Variants in TMC3 observed in about 807,000 individuals in gnomAD.
TMC3 encodes transmembrane channel like 3, also known as transmembrane channel-like protein 3.
In TMC3, 98 loss-of-function variants were observed where a neutral mutation model predicts 110.6. The observed-to-expected ratio is 0.89, with a 90% CI of 0.75 to 1.05. TMC3 has a LOEUF of 1.05. TMC3 is among the 50% of genes least tolerant of loss of function. The pLI, the probability that TMC3 is intolerant of heterozygous loss-of-function variation, is 0.00. For missense variants in TMC3, 1,319 were observed against 1,373.2 expected, an observed-to-expected ratio of 0.96 and a Z score of 0.62; for synonymous variants, 489 against 513.1, an observed-to-expected ratio of 0.95 and a Z score of 0.63.
intron 3 of TMC3, among the ~76,000 whole-genome samples, chr15:81,365,236 G>T (rs1596095893): frequency 6.6e-6 from 1 of 151,956 alleles, no homozygotes; most frequent in East Asian, 1.9e-4. Flanking sequence ...AAGTAAAAGG[G>T]GTGGGAGAGG....
At chr15:81,349,405 G>T (rs2141705538) in intron 11 of TMC3, 53 bp downstream of exon 11, 2 of 1,177,466 alleles carry the variant, frequency 1.7e-6, no homozygotes, top group East Asian at 6.0e-5. Context: ...TTCCCACTGT[G>T]GGTGGGCACA....
At chr15:81,359,602 C>T (rs1473675035) in intron 4 of TMC3, 131 bp from the exon 5 acceptor site, 7 of 609,982 alleles carry the variant, frequency 1.1e-5, no homozygotes, top group South Asian at 8.7e-5. Context: ...TTGTACCAAT[C>T]GAGGTGTTCC....
At chr15:81,351,932 A>G in intron 9 of TMC3, 91 bp from the exon 10 acceptor site, 1 of 1,431,084 alleles carries the variant, frequency 7.0e-7, no homozygotes, top group Non-Finnish European at 9.5e-7. Context: ...ACTGGAACAC[A>G]TCCATTGCCA....
Position 81,348,260 on chromosome 15 carries a change from G to A in TMC3, c.1193+1198C>T, listed in dbSNP as rs905150366. Among the ~76,000 whole-genome samples the A allele has an allele frequency of 2.0e-5, 3 of 152,194 alleles. No homozygotes were observed. The South Asian group carries it at 6.2e-4, about 32-fold the overall frequency. ...TCCCAAAGTGGTCTGTGGAAAATTA[G>A]TTCTGTAGAATGTTATTAGGTGTTA... On this transcript the variant is annotated intron_variant, in intron 11 of 21. Coordinates refer to ENST00000359440, the MANE Select transcript of TMC3 (RefSeq NM_001080532.3).
intron 3 of TMC3, 21 bp downstream of exon 3, chr15:81,368,232 C>T (rs368590826): frequency 3.7e-5 from 59 of 1,605,752 alleles, no homozygotes; most frequent in Non-Finnish European, 4.6e-5. Flanking sequence ...CGCGCCCAGC[C>T]ACATGTGTGT....
Position 81,339,486 on chromosome 15 carries a change from C to A in TMC3, c.1863G>T (p.Leu621Phe). The A allele has an allele frequency of 6.2e-7, 1 of 1,603,770 alleles. No homozygotes were observed. Among genetic ancestry groups the A allele is most frequent in the South Asian group, 1.1e-5 (1 of 88,838 alleles). Reference sequence around the variant, plus strand: ...GAAACAGCATAAACAGGAGCATTGCCAAGTAGAAGTTGTTGGATCTGCAGA... The same window carrying A: ...GAAACAGCATAAACAGGAGCATTGCAAAGTAGAAGTTGTTGGATCTGCAGA... ...FRASRSNNFYLAMLLFMLFLC... is the reference protein window; with the variant it reads ...FRASRSNNFYFAMLLFMLFLC... The change falls in exon 17 of 22, where the codon TTG (leucine) becomes TTT (phenylalanine). Residue 621 changes from leucine to phenylalanine, a missense_variant. Leu to Phe is a conservative substitution (Grantham distance 22, BLOSUM62 0). Coordinates refer to ENST00000359440, the MANE Select transcript of TMC3 (RefSeq NM_001080532.3).
rs1474118546 is a variant in TMC3 at position 81,334,972 on chromosome 15, C to T, written c.2207G>A (p.Arg736Gln). 4.3e-6 allele frequency: 7 copies of T among 1,613,224 alleles called. No homozygotes were observed. Among genetic ancestry groups the T allele is most frequent in the African/African-American group, 1.3e-5 (1 of 75,002 alleles). Residue 736 changes from arginine (R) to glutamine (Q), a missense_variant, in exon 21 of 22, where the codon CGA becomes CAA. By Grantham distance (43) the Arg-to-Gln change is conservative. Transcript: ENST00000359440. ...KKKVAQMVEA[R>Q]IQTQEESTKK... ...GGTGCTTTCTTCCTGGGTCTGGATT[C>T]GGGCTGCAGGGAGAGGGAGGTGTTG...
At chr15:81,371,103 C>T (rs1894425056) in intron 2 of TMC3, among the ~76,000 whole-genome samples, 1 of 152,184 alleles carries the variant, frequency 6.6e-6, no homozygotes, top group African/African-American at 2.4e-5. Context: ...AATTCTAGCA[C>T]TCAGAAACTG....
Position 81,336,625 on chromosome 15 carries a change from A to G in TMC3, c.2187T>C (p.Val729=). 6.2e-7 allele frequency: 1 copy of G among 1,613,948 alleles called. No homozygotes were observed. The highest frequency in any genetic ancestry group is 1.3e-5 in the African/African-American group (1 of 75,068). ...AATACTTACCTTCTACCATCTGGGC[A>G]ACCTTTTTCTTATCCTCTGATCTTG... is the stretch of plus-strand genomic sequence containing the variant. ...QNARSEDKKK[V]AQMVEARIQT... is the part of the protein sequence containing the mutation. The change falls in exon 20 of 22, where the codon GTT becomes GTC. Residue 729 remains valine (V), a synonymous_variant. Transcript: ENST00000359440.
intron 12 of TMC3, 24 bp from the exon 13 acceptor site, chr15:81,345,035 G>T: frequency 6.4e-7 from 1 of 1,552,870 alleles, no homozygotes; most frequent in Non-Finnish European, 8.7e-7. Flanking sequence ...GAGAGAGAGA[G>T]AGGGAAGCAG....
At chr15:81,364,871 A>G (rs1258043290) in intron 3 of TMC3, among the ~76,000 whole-genome samples, 1 of 151,642 alleles carries the variant, frequency 6.6e-6, no homozygotes, top group African/African-American at 2.4e-5. Context: ...ATATAGGAAT[A>G]TGCTGATGCT....
Position 81,358,160 on chromosome 15 carries a change from A to AATG in TMC3, c.729_731dup (p.Ile244dup). 1 of 1,595,632 alleles carries AATG rather than the reference A, an allele frequency of 6.3e-7. No homozygotes were observed. The highest frequency in any genetic ancestry group is 8.5e-7 in the Non-Finnish European group (1 of 1,173,346). On this transcript the variant is annotated inframe_insertion, in exon 7 of 22. Coordinates refer to ENST00000359440, the MANE Select transcript of TMC3 (RefSeq NM_001080532.3). The stretch of plus-strand genomic sequence containing the variant: ...TTGAGCAGTCATACTTTTTTAAAAG[A>AATG]ATGATGAAGCTGTAAGCAAACACTG...
chr15:81,364,606 G>A (rs1401670818), intron 3 of TMC3, among the ~76,000 whole-genome samples: 2 of 148,640 alleles, frequency 1.3e-5, no homozygotes, highest in African/African-American at 2.5e-5. Context: ...TGGGTGCAGC[G>A]CACCAGCATG....
chr15:81,364,109 T>A (rs1311455812), intron 3 of TMC3, among the ~76,000 whole-genome samples: 1 of 152,078 alleles, frequency 6.6e-6, no homozygotes, highest in East Asian at 1.9e-4. Flanking sequence ...GTATGAGAAT[T>A]TTCATACATG....
chr15:81,360,256 T>C (rs1388427859), intron 4 of TMC3, among the ~76,000 whole-genome samples: 4 of 152,208 alleles, frequency 2.6e-5, no homozygotes, highest in African/African-American at 9.6e-5. Context: ...TATTAAACTT[T>C]TAGTGTAACC....
In TMC3 at chr15:81,362,045, TG is replaced by T. The variant is rs372943795; in HGVS notation, c.394+174del. 3.2e-5 allele frequency: 17 copies of T among 533,698 alleles called. 1 individual carries two copies. The African/African-American group carries it at 3.3e-4, about 10-fold the overall frequency. The allele number at this position is 533,698 out of a possible 1,614,324, so 33.1% of individuals were successfully genotyped here. A position where few individuals can be genotyped will look rare whatever the true frequency, so the allele number is the denominator to read the frequency against. On this transcript the variant is annotated intron_variant, in intron 4 of 21. Transcript: ENST00000359440. ...AGACTGTTCCCATTCTGGTAGGTGGTGGGGGCAGGTATCTTGTCTTCTGGGT... is the reference window on the plus strand; with the variant it reads ...AGACTGTTCCCATTCTGGTAGGTGGTGGGGCAGGTATCTTGTCTTCTGGGT...
intron 7 of TMC3, 45 bp from the exon 8 acceptor site, chr15:81,356,639 G>A: frequency 6.4e-7 from 1 of 1,555,268 alleles, no homozygotes; most frequent in Non-Finnish European, 8.7e-7. Context: ...CTCAGGAATA[G>A]GGGGCTGTAG....
At chr15:81,358,313 T>G (rs1381718758) in intron 6 of TMC3, 22 bp from the exon 7 acceptor site, 1 of 1,598,868 alleles carries the variant, frequency 6.3e-7, no homozygotes, top group Non-Finnish European at 8.5e-7. Context: ...ACACTCAGTG[T>G]CATTTCTGCT....
At chr15:81,346,478 C>A in intron 11 of TMC3, 35 bp from the exon 12 acceptor site, 1 of 1,603,752 alleles carries the variant, frequency 6.2e-7, no homozygotes, top group Non-Finnish European at 8.5e-7. Flanking sequence ...GAAACAAGAC[C>A]ATGGCATAGA....
Sources: gnomAD v4.1 joint callset for allele counts (sites outside exome capture counted in the v4.1 genomes callset) on GRCh38, gnomAD v4.1.1 for gene constraint, MANE v1.5 for transcripts, NCBI Gene and HGNC (gene_info 2026-07-23, HGNC 2026-07-21) for gene names.